Variants in PRRX2 observed in about 807,000 individuals in gnomAD.
PRRX2 encodes paired related homeobox 2.
A neutral mutation model predicts 18.0 loss-of-function variants in PRRX2; 11 were observed. The ratio of observed to expected loss-of-function variants is 0.61; its 90% CI spans 0.39 to 1.01. The LOEUF (loss-of-function observed/expected upper bound fraction) is 1.01. PRRX2 is among the 50% of genes least tolerant of loss of function. The pLI, the probability that PRRX2 is intolerant of heterozygous loss-of-function variation, is 0.01. For synonymous variants in PRRX2, 177 were observed against 154.8 expected, an observed-to-expected ratio of 1.14 and a Z score of -1.06; for missense variants, 387 against 351.0, an observed-to-expected ratio of 1.10 and a Z score of -0.82.
chr9:129,719,488 A>T, intron 2 of PRRX2, 70 bp downstream of exon 2: 2 of 1,404,848 alleles, frequency 1.4e-6, no homozygotes, highest in Non-Finnish European at 1.9e-6. Flanking sequence ...TTCACCCGGG[A>T]TTACACAGTT....
At chr9:129,673,878 G>T (rs1357961965) in intron 1 of PRRX2, among the ~76,000 whole-genome samples, 1 of 152,190 alleles carries the variant, frequency 6.6e-6, no homozygotes. Context: ...GACAGAGGGA[G>T]GTTGGGGTTA....
At position 129,671,621 on chromosome 9, in the gene PRRX2, T is replaced by C. The variant is rs774671042; in HGVS notation, c.259+5495T>C. Among the ~76,000 whole-genome samples, 73 of 152,318 alleles carry C rather than the reference T, an allele frequency of 4.8e-4. 1 individual carries two copies. The highest frequency in any genetic ancestry group is 8.5e-4 in the Non-Finnish European group (58 of 68,026). On this transcript the variant is annotated intron_variant, in intron 1 of 3. Coordinates refer to ENST00000372469, the MANE Select transcript of PRRX2 (RefSeq NM_016307.4). The surrounding 1 kb of genome is among the most constrained non-coding windows in gnomAD (Gnocchi z 4.0). Reference sequence around the variant, plus strand: ...TGTGGGATAGGAACAAGGGCTGTGGTATCCCTCAAAGGGCGTGTCGAGCCC... The same window carrying C: ...TGTGGGATAGGAACAAGGGCTGTGGCATCCCTCAAAGGGCGTGTCGAGCCC...
chr9:129,668,798 A>G (rs1033198608), intron 1 of PRRX2, among the ~76,000 whole-genome samples: 1 of 148,510 alleles, frequency 6.7e-6, no homozygotes, highest in Non-Finnish European at 1.5e-5. Flanking sequence ...AAAAAAAAAA[A>G]GAAAGAAAGA....
intron 3 of PRRX2, among the ~76,000 whole-genome samples, chr9:129,720,986 T>C (rs1158711556): frequency 6.7e-6 from 1 of 150,146 alleles, no homozygotes; most frequent in Non-Finnish European, 1.5e-5. Context: ...AGTTGGCATG[T>C]GTGTGTGTGT....
At position 129,684,561 on chromosome 9, in the gene PRRX2, C is replaced by T. The variant is rs373549912; in HGVS notation, c.259+18435C>T. ...CAACAGAAAAGAGACCAGAAATCTCCGAAAAAGTCTCGCTGTGCCATGATT... is the reference window on the plus strand; with the variant it reads ...CAACAGAAAAGAGACCAGAAATCTCTGAAAAAGTCTCGCTGTGCCATGATT... On this transcript the variant is annotated intron_variant, in intron 1 of 3. Transcript: ENST00000372469. Among the ~76,000 whole-genome samples, 113 of 149,540 alleles carry T rather than the reference C, an allele frequency of 7.6e-4. 1 individual carries two copies. In the South Asian group the frequency reaches 0.016, roughly 22 times the overall value.
At chr9:129,710,870 TCTC>T (rs1832609716) in intron 1 of PRRX2, among the ~76,000 whole-genome samples, 1 of 152,030 alleles carries the variant, frequency 6.6e-6, no homozygotes, top group African/African-American at 2.4e-5. Context: ...CCATGTTTCT[TCTC>T]CTCTATCCTC....
At chr9:129,692,654 T>C (rs1356242697) in intron 1 of PRRX2, among the ~76,000 whole-genome samples, 4 of 152,240 alleles carry the variant, frequency 2.6e-5, no homozygotes, top group African/African-American at 7.2e-5. Context: ...TCATACAGTA[T>C]GTAGCCTCTT....
At chr9:129,684,528 ACACACC>A (rs1334102785) in intron 1 of PRRX2, among the ~76,000 whole-genome samples, 125 of 124,644 alleles carry the variant, frequency 1.0e-3, no homozygotes, top group African/African-American at 3.7e-3. Flanking sequence ...ACACACCCAC[ACACACC>A]CCAACAGAAA....
rs919271091 is a variant in PRRX2 at position 129,675,457 on chromosome 9, A to C, written c.259+9331A>C. On this transcript the variant is annotated intron_variant, in intron 1 of 3. Coordinates refer to ENST00000372469, the MANE Select transcript of PRRX2 (RefSeq NM_016307.4). The surrounding 1 kb of genome is among the most constrained non-coding windows in gnomAD (Gnocchi z 4.4). ...AAAGCACCCCTGCTGAGCTGGAGCCACTGGACAAGCCCCCTCCTGGCATCC... is the reference window on the plus strand; with the variant it reads ...AAAGCACCCCTGCTGAGCTGGAGCCCCTGGACAAGCCCCCTCCTGGCATCC... Among the ~76,000 whole-genome samples, 2 of 152,052 alleles carry C rather than the reference A, an allele frequency of 1.3e-5. No homozygotes were observed. The highest frequency in any genetic ancestry group is 1.5e-5 in the Non-Finnish European group (1 of 67,972).
At chr9:129,684,980 C>T (rs1832285111) in intron 1 of PRRX2, among the ~76,000 whole-genome samples, 1 of 152,210 alleles carries the variant, frequency 6.6e-6, no homozygotes, top group African/African-American at 2.4e-5. Context: ...AACCAGGAGG[C>T]CTGGACAACT....
chr9:129,665,752 G>A lies in PRRX2; in HGVS notation c.-116G>A. On this transcript the variant is annotated 5_prime_UTR_variant, in exon 1 of 4. Coordinates refer to ENST00000372469, the MANE Select transcript of PRRX2 (RefSeq NM_016307.4). This position sits in a 1 kb window ranked among gnomAD's most constrained non-coding sequence, Gnocchi z 5.3. ...GGGCGGGCCGCGAGGCTAGGAGGCG[G>A]CGGGAGCTGGGCAGAGCGCGGGGCG... 2.6e-6 allele frequency: 2 copies of A among 779,134 alleles called. No homozygotes were observed. Among genetic ancestry groups the A allele is most frequent in the Non-Finnish European group, 3.1e-6 (2 of 638,678 alleles). The allele number at this position is 779,134 out of a possible 1,614,324, so 48.3% of individuals were successfully genotyped here.
chr9:129,706,373 G>C (rs1467225347), intron 1 of PRRX2, among the ~76,000 whole-genome samples: 1 of 152,090 alleles, frequency 6.6e-6, no homozygotes, highest in African/African-American at 2.4e-5. Context: ...TTGAGGTCAG[G>C]AGCAACCCGG....
In PRRX2 at chr9:129,717,352, G is replaced by T. The variant is rs571028067; in HGVS notation, c.260-1879G>T. Among the ~76,000 whole-genome samples the T allele has an allele frequency of 1.2e-4, 19 of 152,214 alleles. No homozygotes were observed. In the South Asian group the frequency reaches 3.3e-3, roughly 27 times the overall value. The stretch of plus-strand genomic sequence containing the variant: ...CCCGAAGTGATGGGATTACAGGTGT[G>T]AGCCACCGCGCCTGGCCATTTTTTA... On this transcript the variant is annotated intron_variant, in intron 1 of 3. Transcript: ENST00000372469.
intron 1 of PRRX2, among the ~76,000 whole-genome samples, chr9:129,697,992 G>A (rs1235286756): frequency 6.6e-6 from 1 of 151,942 alleles, no homozygotes; most frequent in African/African-American, 2.4e-5. Context: ...ATTCGGAAGG[G>A]GGCTTTTCAC....
intron 1 of PRRX2, among the ~76,000 whole-genome samples, chr9:129,700,377 C>T (rs554173359): frequency 7.0e-4 from 104 of 148,560 alleles, no homozygotes; most frequent in African/African-American, 2.3e-3. Context: ...CTCGCTCTGT[C>T]GCCCAGGCTG....
At chr9:129,687,394 C>A (rs1416845177) in intron 1 of PRRX2, among the ~76,000 whole-genome samples, 1 of 152,206 alleles carries the variant, frequency 6.6e-6, no homozygotes, top group Non-Finnish European at 1.5e-5. Flanking sequence ...GTCCTGCCAC[C>A]TGACCACCTT....
At chr9:129,717,466 C>T (rs980531471) in intron 1 of PRRX2, among the ~76,000 whole-genome samples, 7 of 151,762 alleles carry the variant, frequency 4.6e-5, no homozygotes, top group African/African-American at 9.7e-5. Flanking sequence ...GGAGGCGAGG[C>T]GGGCAGATTG....
chr9:129,688,805 G>C (rs979814693), intron 1 of PRRX2, among the ~76,000 whole-genome samples: 1 of 152,174 alleles, frequency 6.6e-6, no homozygotes, highest in African/African-American at 2.4e-5. Flanking sequence ...GGGTCTTGTA[G>C]GATGAGTAGG....
At chr9:129,678,375 C>T (rs915241742) in intron 1 of PRRX2, among the ~76,000 whole-genome samples, 5 of 152,160 alleles carry the variant, frequency 3.3e-5, no homozygotes, top group South Asian at 2.1e-4. Context: ...ACCTACTGCA[C>T]GCCAGGCCCT....
Sources: gnomAD v4.1 joint callset for allele counts (sites outside exome capture counted in the v4.1 genomes callset) on GRCh38, gnomAD v4.1.1 for gene constraint, Gnocchi (gnomAD v3.1) non-coding constraint, MANE v1.5 for transcripts, NCBI Gene and HGNC (gene_info 2026-07-23, HGNC 2026-07-21) for gene names.